The following LDLRAD3 variants were observed in gnomAD, a reference collection of about 807,000 sequenced individuals.
LDLRAD3 encodes the protein low density lipoprotein receptor class A domain containing 3.
In LDLRAD3, 20 loss-of-function variants were observed where a neutral mutation model predicts 29.4. The ratio of observed to expected loss-of-function variants is 0.68; its 90% confidence interval spans 0.48 to 0.99. The LOEUF is 0.99. Ranked by LOEUF, LDLRAD3 falls within the 50% of genes least tolerant of loss-of-function variation. The probability of loss-of-function intolerance (pLI) is 0.00; values close to 1 mark genes in which losing one functional copy is unlikely to be tolerated. For synonymous variants in LDLRAD3, 157 were observed against 192.7 expected, an observed-to-expected ratio of 0.81 and a Z score of 1.53; for missense variants, 420 against 454.3, an observed-to-expected ratio of 0.92 and a Z score of 0.69.
At chr11:35,954,098 A>G (rs1851171315) in intron 1 of LDLRAD3, among the ~76,000 whole-genome samples, 1 of 152,222 alleles carries the variant, frequency 6.6e-6, no homozygotes, top group Non-Finnish European at 1.5e-5. Context: ...TGGTGACATA[A>G]TAAAGGTTTA....
chr11:36,079,823 G>T (rs1853083219), intron 2 of LDLRAD3, among the ~76,000 whole-genome samples: 2 of 152,136 alleles, frequency 1.3e-5, no homozygotes, highest in South Asian at 4.1e-4. Flanking sequence ...TCCCCGACTT[G>T]GGCCCTCTTA....
chr11:36,002,071 G>T (rs1299691722), intron 1 of LDLRAD3, among the ~76,000 whole-genome samples: 1 of 152,142 alleles, frequency 6.6e-6, no homozygotes, highest in Non-Finnish European at 1.5e-5. Context: ...GTCTAGGGGG[G>T]TTGCTTTCGC....
At chr11:36,136,545 G>T (rs1010560686) in intron 4 of LDLRAD3, among the ~76,000 whole-genome samples, 1 of 152,066 alleles carries the variant, frequency 6.6e-6, no homozygotes, top group African/African-American at 2.4e-5. Flanking sequence ...GCCAGACTCT[G>T]TCTTACTTGC....
chr11:36,189,886 T>G (rs901902581), intron 4 of LDLRAD3, among the ~76,000 whole-genome samples: 2 of 152,222 alleles, frequency 1.3e-5, no homozygotes, highest in African/African-American at 2.4e-5. Context: ...GCTTCATCCA[T>G]GTCCCTACAA....
intron 4 of LDLRAD3, among the ~76,000 whole-genome samples, chr11:36,217,559 G>A (rs931419107): frequency 2.0e-5 from 3 of 152,166 alleles, no homozygotes; most frequent in Admixed American, 6.5e-5. Flanking sequence ...CCTGTGAAAC[G>A]GTCTACTTCA....
chr11:36,218,783 T>A (rs1370262970), intron 4 of LDLRAD3, among the ~76,000 whole-genome samples: 1 of 152,192 alleles, frequency 6.6e-6, no homozygotes, highest in Non-Finnish European at 1.5e-5. Context: ...TCTGCCTGAA[T>A]GGTATTGTAG....
At chr11:36,021,702 C>T (rs1425719730) in intron 1 of LDLRAD3, among the ~76,000 whole-genome samples, 3 of 152,088 alleles carry the variant, frequency 2.0e-5, no homozygotes, top group Non-Finnish European at 1.5e-5. Flanking sequence ...AGTGCAGTGG[C>T]GTGATCTTGG....
At chr11:36,033,259 A>G (rs1164602763) in intron 1 of LDLRAD3, among the ~76,000 whole-genome samples, 1 of 152,154 alleles carries the variant, frequency 6.6e-6, no homozygotes, top group East Asian at 1.9e-4. Context: ...TGCTCAGAAG[A>G]GCAAAAAGCA....
In LDLRAD3 at chr11:36,040,697, A is replaced by G. The variant is rs1250933506; in HGVS notation, c.193+4448A>G. Among the ~76,000 whole-genome samples the G allele has an allele frequency of 6.6e-5, 10 of 152,164 alleles. 1 individual carries two copies. The East Asian group carries it at 1.9e-3, about 29-fold the overall frequency. On this transcript the variant is annotated intron_variant, in intron 2 of 5. Coordinates refer to ENST00000315571, the MANE Select transcript of LDLRAD3 (RefSeq NM_174902.4). Reference sequence around the variant, plus strand: ...AAATTTGCTTAGGCTAAATTCTCAGAATTAAAATTACTGGGTTGGAGGGAA... The same window carrying G: ...AAATTTGCTTAGGCTAAATTCTCAGGATTAAAATTACTGGGTTGGAGGGAA...
chr11:35,955,174 G>A (rs1404775826), intron 1 of LDLRAD3, among the ~76,000 whole-genome samples: 1 of 152,196 alleles, frequency 6.6e-6, no homozygotes, highest in Non-Finnish European at 1.5e-5. Context: ...GAACCTGGGA[G>A]GTGGAGGTTG....
intron 1 of LDLRAD3, among the ~76,000 whole-genome samples, chr11:35,946,079 T>C (rs183858865): frequency 1.3e-5 from 2 of 152,306 alleles, no homozygotes; most frequent in Admixed American, 6.5e-5. Flanking sequence ...CTTTTTAGCA[T>C]AGATTTCACT....
intron 4 of LDLRAD3, among the ~76,000 whole-genome samples, chr11:36,218,156 T>C (rs927377714): frequency 6.6e-6 from 1 of 152,244 alleles, no homozygotes; most frequent in Admixed American, 6.5e-5. Context: ...ACTCTTGTTT[T>C]TGAGTTCAAA....
At chr11:36,094,561 G>T (rs758940782) in intron 3 of LDLRAD3, among the ~76,000 whole-genome samples, 1 of 152,040 alleles carries the variant, frequency 6.6e-6, no homozygotes, top group Non-Finnish European at 1.5e-5. Context: ...TTTGAGACGG[G>T]GTCTCGCTCT....
chr11:36,037,144 C>T (rs1021637428), intron 2 of LDLRAD3, among the ~76,000 whole-genome samples: 2 of 152,142 alleles, frequency 1.3e-5, no homozygotes, highest in African/African-American at 4.8e-5. Context: ...GGTTGTCTCA[C>T]AGGGGATTGC....
At chr11:36,183,802 G>A (rs1422776786) in intron 4 of LDLRAD3, among the ~76,000 whole-genome samples, 1 of 152,034 alleles carries the variant, frequency 6.6e-6, no homozygotes, top group East Asian at 1.9e-4. Context: ...TCTTTCTGCT[G>A]CGTTCTGAAT....
chr11:36,030,143 C>T (rs923860501), intron 1 of LDLRAD3, among the ~76,000 whole-genome samples: 2 of 152,182 alleles, frequency 1.3e-5, no homozygotes, highest in African/African-American at 4.8e-5. Flanking sequence ...AGAGATCTGG[C>T]TGTGCTCAGG....
chr11:36,097,237 C>G (rs146727447), intron 3 of LDLRAD3, among the ~76,000 whole-genome samples: 2 of 152,048 alleles, frequency 1.3e-5, no homozygotes, highest in Non-Finnish European at 2.9e-5. Context: ...AAGAAGAAAT[C>G]GAGGCTACTA....
chr11:35,980,492 A>C (rs1851527191), intron 1 of LDLRAD3, among the ~76,000 whole-genome samples: 1 of 152,202 alleles, frequency 6.6e-6, no homozygotes, highest in African/African-American at 2.4e-5. Context: ...AAGGTTAATG[A>C]GTGTATGTGA....
chr11:35,984,029 G>T (rs144262511), intron 1 of LDLRAD3, among the ~76,000 whole-genome samples: 2 of 152,284 alleles, frequency 1.3e-5, no homozygotes, highest in Admixed American at 1.3e-4. Flanking sequence ...TTTTCTGCTT[G>T]TTGAGAAATC....
Sources: allele counts gnomAD v4.1 joint callset (sites outside exome capture counted in the v4.1 genomes callset), GRCh38; gene constraint gnomAD v4.1.1; transcripts MANE v1.5; gene names NCBI Gene and HGNC (gene_info 2026-07-23, HGNC 2026-07-21).